Variants in BMPER observed in about 807,000 individuals in gnomAD.
The protein encoded by BMPER is BMP-binding endothelial regulator protein.
In BMPER, 45 loss-of-function variants were observed where a neutral mutation model predicts 87.3. The ratio of observed to expected loss-of-function variants is 0.52; its 90% CI spans 0.41 to 0.66. The LOEUF (loss-of-function observed/expected upper bound fraction) is 0.66. BMPER is among the 30% of genes least tolerant of loss of function. BMPER has a pLI of 0.00. For missense variants in BMPER, 784 were observed against 867.5 expected (o/e 0.90, Z 1.21); for synonymous variants, 326 against 316.2 (o/e 1.03, Z -0.33).
chr7:34,029,576 A>G (rs563455846), intron 6 of BMPER, among the ~76,000 whole-genome samples: 1 of 152,120 alleles, frequency 6.6e-6, no homozygotes, highest in Non-Finnish European at 1.5e-5. Flanking sequence ...TGGCCCTATG[A>G]GGTCCCTGCT....
intron 6 of BMPER, among the ~76,000 whole-genome samples, chr7:34,029,473 G>A (rs1355550085): frequency 6.6e-6 from 1 of 152,028 alleles, no homozygotes; most frequent in East Asian, 1.9e-4. Flanking sequence ...CTCCCAGCTT[G>A]TTGTCCTTGT....
rs547744846 is a variant in BMPER, at chr7:34,062,560, A to G, written c.1078+513A>G. Among the ~76,000 whole-genome samples the G allele has an allele frequency of 4.7e-5, 7 of 150,144 alleles. No homozygotes were observed. In the South Asian group the frequency reaches 1.5e-3, roughly 32 times the overall value. On this transcript the variant is annotated intron_variant, in intron 11 of 14. Coordinates refer to ENST00000649409, the MANE Select transcript of BMPER (RefSeq NM_001365308.1). ...AAGTCATCGGGCTGATGGTTTTGCC[A>G]TCCTATTATAGTCATGGGTCACTTA...
intron 1 of BMPER, among the ~76,000 whole-genome samples, chr7:33,906,137 T>A (rs1231343318): frequency 6.6e-6 from 1 of 152,228 alleles, no homozygotes; most frequent in Non-Finnish European, 1.5e-5. Context: ...CTAGGAGTGC[T>A]TTTTAAAGCA....
chr7:33,959,896 GC>G (rs111850614), intron 3 of BMPER, among the ~76,000 whole-genome samples: 2 of 151,864 alleles, frequency 1.3e-5, no homozygotes, highest in Admixed American at 6.6e-5. Context: ...TCATGTGGAA[GC>G]TTTTTTTTCT....
chr7:34,153,263 C>T lies in BMPER; in HGVS notation c.2048C>T (p.Pro683Leu). ...KGRCIKPVLC[P>L]QR The stretch of plus-strand genomic sequence containing the variant: ...AGGTGCATCAAGCCAGTCCTTTGTC[C>T]CCAGCGGTGACCTTTGTTTCGATCC... The change falls in exon 15 of 15, where the codon CCC becomes CTC. Residue 683 changes from proline to leucine, a missense_variant. By Grantham distance (98) the Pro-to-Leu change is moderately conservative (BLOSUM62 -3). Coordinates refer to ENST00000649409, the MANE Select transcript of BMPER (RefSeq NM_001365308.1). 1 of 1,613,928 alleles carries T rather than the reference C, an allele frequency of 6.2e-7. No individual in the cohort carries two copies. Among genetic ancestry groups the T allele is most frequent in the Non-Finnish European group, 8.5e-7 (1 of 1,179,934 alleles).
Position 34,008,633 on chromosome 7 carries a change from G to A in BMPER, c.576+33849G>A, listed in dbSNP as rs146781287. ...GTAATTTTTCCTTCTACTGTTATAC[G>A]TTTTAATTCTTGTAAAACTGCTGGC... On this transcript the variant is annotated intron_variant, in intron 6 of 14. Transcript: ENST00000649409. 6.3e-3 allele frequency among the ~76,000 whole-genome samples: 960 copies of A among 151,844 alleles called. 4 individuals are homozygous for A. The highest frequency in any genetic ancestry group is 9.5e-3 in the Non-Finnish European group (647 of 67,868).
chr7:34,009,455 A>T (rs1201119196), intron 6 of BMPER, among the ~76,000 whole-genome samples: 1 of 151,906 alleles, frequency 6.6e-6, no homozygotes, highest in Admixed American at 6.6e-5. Context: ...TCTAGTAAGG[A>T]CCACCTTGGC....
chr7:34,146,532 C>T (rs542881102), intron 14 of BMPER, among the ~76,000 whole-genome samples: 18 of 152,264 alleles, frequency 1.2e-4, no homozygotes, highest in South Asian at 1.0e-3. Flanking sequence ...TTACTATTCA[C>T]TCTTTTTAAG....
chr7:33,977,726 C>T (rs544440160), intron 6 of BMPER, among the ~76,000 whole-genome samples: 1 of 152,072 alleles, frequency 6.6e-6, no homozygotes, highest in South Asian at 2.1e-4. Context: ...ATTTGTATAT[C>T]TCTATATCTG....
chr7:34,063,507 G>C (rs1188157179), intron 11 of BMPER, among the ~76,000 whole-genome samples: 1 of 151,900 alleles, frequency 6.6e-6, no homozygotes, highest in East Asian at 1.9e-4. Context: ...AAAAATGCTG[G>C]TTGAATTAAT....
At chr7:34,044,427 G>T (rs77439937) in intron 6 of BMPER, among the ~76,000 whole-genome samples, 6,434 of 152,326 alleles carry the variant, frequency 0.042, 165 homozygotes, top group Middle Eastern at 0.065. Context: ...AGGCAACCTT[G>T]TGTGGCCCGA....
intron 14 of BMPER, among the ~76,000 whole-genome samples, chr7:34,151,912 CTCATT>C (rs749692237): frequency 6.6e-6 from 1 of 152,202 alleles, no homozygotes; most frequent in East Asian, 1.9e-4. Flanking sequence ...AATGTGTTCT[CTCATT>C]TGTTTCTAAC....
Position 34,064,152 on chromosome 7 carries a change from G to A in BMPER, c.1078+2105G>A, listed in dbSNP as rs150093280. On this transcript the variant is annotated intron_variant, in intron 11 of 14. Coordinates refer to ENST00000649409, the MANE Select transcript of BMPER (RefSeq NM_001365308.1). ...CTAAAAATACAAAAATTAGCTGGGC[G>A]TGGTGGTGTGTGCCTGAAATCCCAG... is the stretch of plus-strand genomic sequence containing the variant. Among the ~76,000 whole-genome samples the A allele has an allele frequency of 4.9e-3, 748 of 152,268 alleles. 5 individuals are homozygous for A. Among genetic ancestry groups the A allele is most frequent in the African/African-American group, 0.017 (714 of 41,560 alleles).
At chr7:33,996,592 T>C (rs1786417665) in intron 6 of BMPER, among the ~76,000 whole-genome samples, 1 of 152,194 alleles carries the variant, frequency 6.6e-6, no homozygotes, top group Non-Finnish European at 1.5e-5. Context: ...TTAATACCTG[T>C]TTATGATGGG....
In BMPER at chr7:33,905,569, G is replaced by A. The variant is rs770524413; in HGVS notation, c.-45G>A. 8.1e-6 allele frequency: 13 copies of A among 1,604,590 alleles called. No individual in the cohort carries two copies. The highest frequency in any genetic ancestry group is 1.1e-5 in the Non-Finnish European group (13 of 1,179,096). On this transcript the variant is annotated 5_prime_UTR_variant, in exon 1 of 15. Coordinates refer to ENST00000649409, the MANE Select transcript of BMPER (RefSeq NM_001365308.1). Reference sequence around the variant, plus strand: ...TGAGCTGCGGCAGCTGAGCAGAGGCGGCGGCGCGGGACCTGCAGTCGCCAG... The same window carrying A: ...TGAGCTGCGGCAGCTGAGCAGAGGCAGCGGCGCGGGACCTGCAGTCGCCAG...
At chr7:34,109,479 T>G (rs1369266727) in intron 13 of BMPER, among the ~76,000 whole-genome samples, 3 of 152,210 alleles carry the variant, frequency 2.0e-5, no homozygotes, top group Non-Finnish European at 4.4e-5. Flanking sequence ...CAAGTTGACA[T>G]GTAAAAATTA....
intron 13 of BMPER, among the ~76,000 whole-genome samples, chr7:34,111,961 C>G (rs979779377): frequency 6.6e-6 from 1 of 152,052 alleles, no homozygotes; most frequent in Non-Finnish European, 1.5e-5. Flanking sequence ...ATCCGCCTGC[C>G]TCGGCCTCCC....
chr7:34,015,062 T>C (rs1429099672), intron 6 of BMPER, among the ~76,000 whole-genome samples: 2 of 151,978 alleles, frequency 1.3e-5, no homozygotes, highest in African/African-American at 4.8e-5. Context: ...ATGCTTCTTA[T>C]GTCATGACTG....
chr7:34,041,112 C>T (rs1220500153), intron 6 of BMPER, among the ~76,000 whole-genome samples: 1 of 152,020 alleles, frequency 6.6e-6, no homozygotes, highest in Non-Finnish European at 1.5e-5. Context: ...AAGGAAAGGC[C>T]CTATTAGATG....
Sources: gnomAD v4.1 joint callset for allele counts (sites outside exome capture counted in the v4.1 genomes callset) on GRCh38, gnomAD v4.1.1 for gene constraint, MANE v1.5 for transcripts, NCBI Gene and HGNC (gene_info 2026-07-23, HGNC 2026-07-21) for gene names.